The following PISD variants were observed in gnomAD, a reference collection of about 807,000 sequenced individuals.
PISD encodes phosphatidylserine decarboxylase proenzyme, mitochondrial.
In PISD, 31 loss-of-function variants were observed where a neutral mutation model predicts 43.5. The ratio of observed to expected loss-of-function variants is 0.71; its 90% confidence interval spans 0.54 to 0.96. The LOEUF is 0.96. Ranked by LOEUF, PISD falls within the 40% of genes least tolerant of loss-of-function variation. PISD has a pLI of 0.00. For missense variants in PISD, 523 were observed against 548.4 expected (o/e 0.95, Z 0.46); for synonymous variants, 259 against 228.7 (o/e 1.13, Z -1.20).
At chr22:31,627,771 A>G (rs1284207814) in intron 3 of PISD, among the ~76,000 whole-genome samples, 1 of 152,174 alleles carries the variant, frequency 6.6e-6, no homozygotes, top group Non-Finnish European at 1.5e-5. Flanking sequence ...AACCCAGATA[A>G]ACCCAGCTCG....
rs2072358478 is a variant in PISD at position 31,619,514 on chromosome 22, C to G, written c.*98G>C. ...GGTCAGACTCCCAACCACGCTGAGG[C>G]AGGCCCTTACCTGGATGGCCTCATG... is the stretch of plus-strand genomic sequence containing the variant. On this transcript the variant is annotated 3_prime_UTR_variant, in exon 8 of 8. Transcript: ENST00000439502. 2.2e-6 allele frequency: 2 copies of G among 910,716 alleles called. No individual in the cohort carries two copies. Among genetic ancestry groups the G allele is most frequent in the East Asian group, 5.1e-5 (2 of 39,102 alleles). The allele number at this position is 910,716 out of a possible 1,614,324, so 56.4% of individuals were successfully genotyped here. A position where few individuals can be genotyped will look rare whatever the true frequency, so the allele number is the denominator to read the frequency against.
intron 3 of PISD, chr22:31,629,036 T>C: frequency 1.0e-6 from 1 of 985,390 alleles, no homozygotes; most frequent in Non-Finnish European, 1.2e-6. Context: ...GGGAACACCT[T>C]TGTCAGGACA....
intron 2 of PISD, among the ~76,000 whole-genome samples, chr22:31,650,307 A>G (rs992939683): frequency 6.6e-6 from 1 of 152,058 alleles, no homozygotes; most frequent in African/African-American, 2.4e-5. Flanking sequence ...GCAAAACTTC[A>G]TCTCTACTAA....
chr22:31,648,359 C>A, intron 2 of PISD, 83 bp from the exon 3 acceptor site: 2 of 1,219,894 alleles, frequency 1.6e-6, no homozygotes, highest in South Asian at 2.9e-5. Context: ...ACAGGAGGGT[C>A]AGGAAAAGTC....
chr22:31,632,337 C>G, intron 3 of PISD: 4 of 625,954 alleles, frequency 6.4e-6, no homozygotes, highest in Non-Finnish European at 8.0e-6. Flanking sequence ...GAACAAGGCA[C>G]AGTGCCACCC....
intron 3 of PISD, among the ~76,000 whole-genome samples, chr22:31,636,776 T>G (rs2073454970): frequency 6.7e-6 from 1 of 149,926 alleles, no homozygotes; most frequent in Non-Finnish European, 1.5e-5. Flanking sequence ...TCTCCTGACC[T>G]TGTGATCTGC....
chr22:31,647,895 G>A (rs2073927275), intron 3 of PISD, among the ~76,000 whole-genome samples: 1 of 152,210 alleles, frequency 6.6e-6, no homozygotes, highest in African/African-American at 2.4e-5. Flanking sequence ...AACCCTTGGG[G>A]AGACCAGGGT....
At chr22:31,643,201 G>A (rs778387623) in intron 3 of PISD, among the ~76,000 whole-genome samples, 5 of 152,012 alleles carry the variant, frequency 3.3e-5, no homozygotes, top group African/African-American at 4.8e-5. Flanking sequence ...GCAAGAAGGC[G>A]TGGGAATCAT....
chr22:31,619,062 A>AAGAC lies in PISD; in HGVS notation c.*546_*549dup, dbSNP rs1394621836. 1 of 237,066 alleles carries AAGAC rather than the reference A, an allele frequency of 4.2e-6. No individual in the cohort carries two copies. The highest frequency in any genetic ancestry group is 8.5e-6 in the Non-Finnish European group (1 of 118,240). 14.7% of individuals were successfully genotyped at this position (237,066 alleles called of 1,614,324 possible). A position where few individuals can be genotyped will look rare whatever the true frequency, so the allele number is the denominator to read the frequency against. The stretch of plus-strand genomic sequence containing the variant: ...GGTGATGCGTTCAGCCACAAGCACA[A>AAGAC]AGACTGCTTTTTCTAAAGAGCAGGA... On this transcript the variant is annotated 3_prime_UTR_variant, in exon 8 of 8. Coordinates refer to ENST00000439502, the MANE Select transcript of PISD (RefSeq NM_001326411.2).
At chr22:31,632,850 G>A (rs749114784) in intron 3 of PISD, among the ~76,000 whole-genome samples, 1 of 152,184 alleles carries the variant, frequency 6.6e-6, no homozygotes, top group Non-Finnish European at 1.5e-5. Context: ...AAAGTTCGGT[G>A]ATGTTTTTGT....
intron 1 of PISD, among the ~76,000 whole-genome samples, chr22:31,656,373 ATGGTGGC>A (rs2074177086): frequency 1.3e-5 from 2 of 151,650 alleles, no homozygotes; most frequent in Non-Finnish European, 2.9e-5. Flanking sequence ...AAGGCCGGGC[ATGGTGGC>A]TGACGCCTAT....
At chr22:31,629,272 G>A in intron 3 of PISD, 12 of 968,042 alleles carry the variant, frequency 1.2e-5, no homozygotes, top group Non-Finnish European at 1.5e-5. Flanking sequence ...TGTGTGCATG[G>A]AGGATACGTG....
Position 31,650,205 on chromosome 22 carries a change from C to T in PISD, c.145+494G>A, listed in dbSNP as rs149449715. 3.5e-3 allele frequency among the ~76,000 whole-genome samples: 531 copies of T among 152,168 alleles called. 14 individuals carry two copies. Among genetic ancestry groups the T allele is most frequent in the Admixed American group, 0.026 (394 of 15,274 alleles). ...CAAAAAGACATAATGAGGCCGGGCACGGTGGCTCAGGCCTGTAATGCCAAC... is the reference window on the plus strand; with the variant it reads ...CAAAAAGACATAATGAGGCCGGGCATGGTGGCTCAGGCCTGTAATGCCAAC... On this transcript the variant is annotated intron_variant, in intron 2 of 7. Transcript: ENST00000439502.
Position 31,620,595 on chromosome 22 carries a change from C to T in PISD, c.963G>A (p.Val321=). 1 of 1,614,236 alleles carries T rather than the reference C, an allele frequency of 6.2e-7. No individual in the cohort carries two copies. The highest frequency in any genetic ancestry group is 1.1e-5 in the South Asian group (1 of 91,090). Residue 321 remains valine (V), a synonymous_variant, in exon 7 of 8, where the codon GTG becomes GTA. Transcript: ENST00000439502. ...GAATGGAGCCCACGTTGGTGGCCCC[C>T]ACAGCTGTCAGTGAGAAGAAGCCAT... ...WKHGFFSLTA[V]GATNVGSIRI... is the part of the protein sequence containing the mutation.
At chr22:31,636,562 T>C (rs111658926) in intron 3 of PISD, among the ~76,000 whole-genome samples, 21,852 of 150,160 alleles carry the variant, frequency 0.15, 1,997 homozygotes, top group African/African-American at 0.27. Flanking sequence ...GTTTTTGAGA[T>C]GGAGTCTCAC....
chr22:31,656,681 T>TAAAC (rs1188994992), intron 1 of PISD, among the ~76,000 whole-genome samples: 5 of 150,068 alleles, frequency 3.3e-5, no homozygotes, highest in East Asian at 3.9e-4. Flanking sequence ...AATAAATAAA[T>TAAAC]AAACAAAACA....
chr22:31,634,636 A>G (rs1397589312), intron 3 of PISD, among the ~76,000 whole-genome samples: 1 of 152,100 alleles, frequency 6.6e-6, no homozygotes, highest in Non-Finnish European at 1.5e-5. Context: ...TGAGAAGTTC[A>G]ACACCAGCCT....
chr22:31,636,872 T>G (rs2073458068), intron 3 of PISD, among the ~76,000 whole-genome samples: 1 of 151,480 alleles, frequency 6.6e-6, no homozygotes, highest in East Asian at 1.9e-4. Context: ...GAGACGGGGT[T>G]TCACCATGTT....
chr22:31,628,704 A>T, intron 3 of PISD: 1 of 435,516 alleles, frequency 2.3e-6, no homozygotes, highest in Non-Finnish European at 3.1e-6. Flanking sequence ...CTTGGTTTGT[A>T]CATCTGGAAA....
Sources: allele counts gnomAD v4.1 joint callset (sites outside exome capture counted in the v4.1 genomes callset), GRCh38; gene constraint gnomAD v4.1.1; transcripts MANE v1.5; gene names NCBI Gene and HGNC (gene_info 2026-07-23, HGNC 2026-07-21).